The following VPS41 variants were observed in gnomAD, a reference collection of about 807,000 sequenced individuals.
VPS41 encodes the protein vacuolar protein sorting-associated protein 41 homolog.
A neutral mutation model predicts 130.9 loss-of-function variants in VPS41; 85 were observed. That is an observed-to-expected ratio of 0.65 (90% confidence interval 0.55 to 0.78). The LOEUF (loss-of-function observed/expected upper bound fraction) is 0.78. VPS41 is among the 30% of genes least tolerant of loss of function. The pLI, the probability that VPS41 is intolerant of heterozygous loss-of-function variation, is 0.00. For missense variants in VPS41, 874 were observed against 1,018.7 expected (o/e 0.86, Z 1.93); for synonymous variants, 335 against 332.9 (o/e 1.01, Z -0.07).
intron 24 of VPS41, 27 bp downstream of exon 24, chr7:38,743,375 A>G (rs374500572): frequency 6.2e-7 from 1 of 1,613,164 alleles, no homozygotes; most frequent in Non-Finnish European, 8.5e-7. Flanking sequence ...AAAAAAAGTT[A>G]TAACCAGAGA....
At chr7:38,905,640 C>A (rs1215139043) in intron 1 of VPS41, among the ~76,000 whole-genome samples, 1 of 152,128 alleles carries the variant, frequency 6.6e-6, no homozygotes. Context: ...AAACAACACT[C>A]ACGAAAGATA....
intron 7 of VPS41, among the ~76,000 whole-genome samples, chr7:38,798,433 C>CA (rs1784661789): frequency 6.6e-6 from 1 of 152,166 alleles, no homozygotes; most frequent in African/African-American, 2.4e-5. Flanking sequence ...GCTGGGATTA[C>CA]AGGCATGCAC....
intron 14 of VPS41, 95 bp from the exon 15 acceptor site, chr7:38,767,693 A>G (rs1216788535): frequency 3.8e-6 from 3 of 792,642 alleles, no homozygotes; most frequent in Admixed American, 2.1e-5. Context: ...TTAGGGTCCT[A>G]TTAGCTCTAC....
At chr7:38,844,439 T>C (rs1205309101) in intron 4 of VPS41, among the ~76,000 whole-genome samples, 1 of 152,216 alleles carries the variant, frequency 6.6e-6, no homozygotes, top group African/African-American at 2.4e-5. Context: ...CTTTAGCCAC[T>C]TAAACTTCCA....
chr7:38,797,048 T>C (rs1355084795), intron 7 of VPS41, 184 bp from the exon 8 acceptor site: 15 of 665,384 alleles, frequency 2.3e-5, no homozygotes, highest in Non-Finnish European at 4.9e-6. Context: ...CATCATATTC[T>C]CCCCAGGAAG....
chr7:38,797,058 G>A, intron 7 of VPS41, 194 bp from the exon 8 acceptor site: 1 of 629,396 alleles, frequency 1.6e-6, no homozygotes, highest in East Asian at 3.1e-5. Context: ...TCCCCAGGAA[G>A]TTGTTTAAAA....
At position 38,728,507 on chromosome 7, in the gene VPS41, C is replaced by T. The variant is rs753703137; in HGVS notation, c.2404+35G>A. On this transcript the variant is annotated intron_variant, in intron 27 of 28. Transcript: ENST00000310301. ...TTTGATTCCACTCATCATTAAAATA[C>T]ATGTTTGGGATTTTTTTGGGGAAAA... is the stretch of plus-strand genomic sequence containing the variant. 4.3e-6 allele frequency: 7 copies of T among 1,613,202 alleles called. No homozygotes were observed. The South Asian group carries it at 7.7e-5, about 18-fold the overall frequency.
At chr7:38,755,343 C>T (rs1783769627) in intron 19 of VPS41, among the ~76,000 whole-genome samples, 1 of 152,190 alleles carries the variant, frequency 6.6e-6, no homozygotes, top group African/African-American at 2.4e-5. Flanking sequence ...TCAACCTCGA[C>T]CTAGTCTCCC....
chr7:38,844,770 C>T lies in VPS41; in HGVS notation c.247-14442G>A, dbSNP rs143934024. 2.0e-4 allele frequency among the ~76,000 whole-genome samples: 31 copies of T among 152,240 alleles called. No homozygotes were observed. The East Asian group carries it at 5.0e-3, about 25-fold the overall frequency. Reference sequence around the variant, plus strand: ...TTTTTAACCATCTCCCCCATAAGAGCATTTATATGCTGTAAACTTATGAGA... The same window carrying T: ...TTTTTAACCATCTCCCCCATAAGAGTATTTATATGCTGTAAACTTATGAGA... On this transcript the variant is annotated intron_variant, in intron 4 of 28. Coordinates refer to ENST00000310301, the MANE Select transcript of VPS41 (RefSeq NM_014396.4).
intron 25 of VPS41, among the ~76,000 whole-genome samples, chr7:38,735,303 C>T (rs999472208): frequency 7.2e-5 from 11 of 151,828 alleles, no homozygotes; most frequent in African/African-American, 2.7e-4. Context: ...CCACGTAGGC[C>T]CAAAAAAAGG....
At chr7:38,871,430 A>T (rs1244866978) in intron 2 of VPS41, among the ~76,000 whole-genome samples, 6 of 152,242 alleles carry the variant, frequency 3.9e-5, no homozygotes, top group Non-Finnish European at 7.3e-5. Flanking sequence ...ATCATGCTAG[A>T]GACTTAATAT....
At chr7:38,758,614 G>A in intron 17 of VPS41, 133 bp from the exon 18 acceptor site, 1 of 921,426 alleles carries the variant, frequency 1.1e-6, no homozygotes, top group South Asian at 1.8e-5. Flanking sequence ...TCTCTAAAAT[G>A]ATGTGTCTTC....
At chr7:38,828,659 T>C (rs1785327166) in intron 5 of VPS41, among the ~76,000 whole-genome samples, 2 of 152,202 alleles carry the variant, frequency 1.3e-5, no homozygotes, top group African/African-American at 4.8e-5. Context: ...TTATGTGTAC[T>C]AAAAGATTTA....
Position 38,752,227 on chromosome 7 carries a change from T to G in VPS41, c.1875A>C (p.Arg625=). The G allele has an allele frequency of 6.2e-7, 1 of 1,613,996 alleles. No homozygotes were observed. Among genetic ancestry groups the G allele is most frequent in the Non-Finnish European group, 8.5e-7 (1 of 1,179,908 alleles). The change falls in exon 22 of 29, where the codon CGA becomes CGC. Residue 625 remains arginine (R), a synonymous_variant. Coordinates refer to ENST00000310301, the MANE Select transcript of VPS41 (RefSeq NM_014396.4). ...CTCGGAGAAAGGGAAGTAAGTTTGG[T>G]CGATCATATTCAGCATAAAGACTGA... ...KQISLYAEYD[R]PNLLPFLRDS... is the part of the protein sequence containing the mutation.
intron 3 of VPS41, among the ~76,000 whole-genome samples, chr7:38,867,625 T>G (rs1379417311): frequency 6.6e-6 from 1 of 152,012 alleles, no homozygotes; most frequent in Non-Finnish European, 1.5e-5. Flanking sequence ...AGGTCAGGAA[T>G]TGAGGCTGTT....
chr7:38,878,903 T>G (rs1786544815), intron 2 of VPS41, among the ~76,000 whole-genome samples: 1 of 152,188 alleles, frequency 6.6e-6, no homozygotes, highest in African/African-American at 2.4e-5. Flanking sequence ...CAACAATCAC[T>G]TCTGCTTTTT....
rs1451497550 is a variant in VPS41, at chr7:38,754,946, A to G, written c.1696-10T>C. On this transcript the variant is annotated splice_polypyrimidine_tract_variant and intron_variant, in intron 19 of 28. Coordinates refer to ENST00000310301, the MANE Select transcript of VPS41 (RefSeq NM_014396.4). The stretch of plus-strand genomic sequence containing the variant: ...GCATGTCAACAGCTTTCTGAAACAT[A>G]TAAGAAAAGCCACAGTCAATGAAAT... The G allele has an allele frequency of 6.8e-6, 11 of 1,613,162 alleles. No individual in the cohort carries two copies. The highest frequency in any genetic ancestry group is 3.3e-5 in the South Asian group (3 of 91,054).
chr7:38,827,348 AT>A (rs1260729542), intron 5 of VPS41, among the ~76,000 whole-genome samples: 4 of 152,206 alleles, frequency 2.6e-5, no homozygotes, highest in African/African-American at 9.6e-5. Context: ...AAAGCAAAGT[AT>A]ATGTGTGAGA....
At chr7:38,858,224 A>G (rs1166123862) in intron 4 of VPS41, among the ~76,000 whole-genome samples, 1 of 152,226 alleles carries the variant, frequency 6.6e-6, no homozygotes, top group Non-Finnish European at 1.5e-5. Context: ...GCTATTTCAA[A>G]ATATGCCAAA....
Sources: allele counts gnomAD v4.1 joint callset (sites outside exome capture counted in the v4.1 genomes callset), GRCh38; gene constraint gnomAD v4.1.1; transcripts MANE v1.5; gene names NCBI Gene and HGNC (gene_info 2026-07-23, HGNC 2026-07-21).